Variants in JMJD1C observed in about 807,000 individuals in gnomAD.
The protein encoded by JMJD1C is jumonji domain containing 1C.
Under a neutral mutation model 245.3 loss-of-function variants are expected in JMJD1C, and 31 were observed. The ratio of observed to expected loss-of-function variants is 0.13; its 90% CI spans 0.09 to 0.17. JMJD1C has a LOEUF of 0.17. Ranked by LOEUF, JMJD1C falls within the 10% of genes least tolerant of loss-of-function variation. The probability of loss-of-function intolerance (pLI) is 1.00; values close to 1 mark genes in which losing one functional copy is unlikely to be tolerated. For synonymous variants in JMJD1C, 1,057 were observed against 1,017.4 expected (o/e 1.04, Z -0.74); for missense variants, 2,691 against 3,000.2 (o/e 0.90, Z 2.41).
intron 2 of JMJD1C, among the ~76,000 whole-genome samples, chr10:63,326,884 C>CA (rs1376123433): frequency 1.3e-5 from 2 of 151,864 alleles, no homozygotes; most frequent in Non-Finnish European, 2.9e-5. Flanking sequence ...TGTCTCAAAA[C>CA]AAAAAACAAA....
chr10:63,493,647 T>G (rs558773877), intron 1 of JMJD1C, among the ~76,000 whole-genome samples: 2 of 152,332 alleles, frequency 1.3e-5, no homozygotes, highest in South Asian at 4.1e-4. Flanking sequence ...CACACCCGGC[T>G]AATTCCTAAT....
At chr10:63,420,063 G>C (rs1439486292) in intron 1 of JMJD1C, among the ~76,000 whole-genome samples, 1 of 151,480 alleles carries the variant, frequency 6.6e-6, no homozygotes, top group East Asian at 1.9e-4. Context: ...TTGAACCCGG[G>C]AGGCAGAAGC....
intron 18 of JMJD1C, among the ~76,000 whole-genome samples, chr10:63,187,644 C>A (rs1844286317): frequency 6.6e-6 from 1 of 152,092 alleles, no homozygotes; most frequent in South Asian, 2.1e-4. Context: ...ACTATGTTGC[C>A]CAGGCTGGTC....
chr10:63,393,438 G>A (rs1024506789), intron 1 of JMJD1C, among the ~76,000 whole-genome samples: 3 of 152,088 alleles, frequency 2.0e-5, no homozygotes, highest in Non-Finnish European at 2.9e-5. Context: ...TACTGTTGAC[G>A]GGAATATAAA....
At chr10:63,297,786 G>A (rs1564750501) in intron 2 of JMJD1C, among the ~76,000 whole-genome samples, 1 of 152,288 alleles carries the variant, frequency 6.6e-6, no homozygotes, top group African/African-American at 2.4e-5. Context: ...TGAAAGAGCT[G>A]TAACACAAAT....
At chr10:63,280,386 A>G (rs1857252900) in intron 2 of JMJD1C, among the ~76,000 whole-genome samples, 1 of 151,956 alleles carries the variant, frequency 6.6e-6, no homozygotes, top group Non-Finnish European at 1.5e-5. Context: ...GGTCTCTACT[A>G]AAAATACAAA....
chr10:63,380,601 C>T, intron 1 of JMJD1C, 119 bp from the exon 2 acceptor site: 2 of 698,684 alleles, frequency 2.9e-6, no homozygotes, highest in Non-Finnish European at 2.4e-6. Context: ...GATACATGCA[C>T]ACAATGTGTA....
At chr10:63,406,971 C>A (rs1407111867) in intron 1 of JMJD1C, among the ~76,000 whole-genome samples, 1 of 151,856 alleles carries the variant, frequency 6.6e-6, no homozygotes, top group African/African-American at 2.4e-5. Flanking sequence ...TTTAAAATAA[C>A]AGCAAAACCA....
rs543360927 is a variant in JMJD1C at position 63,475,537 on chromosome 10, A to G, written n.113+46201T>C. Among the ~76,000 whole-genome samples, 3 of 152,356 alleles carry G rather than the reference A, an allele frequency of 2.0e-5. No individual in the cohort carries two copies. In the East Asian group the frequency reaches 5.8e-4, roughly 29 times the overall value. On this transcript the variant is annotated intron_variant and non_coding_transcript_variant, in intron 1 of 3. Coordinates refer to the JMJD1C transcript ENST00000633035. ...GATACTGTATGTACTTCTGAAGGAC[A>G]GACAAGAAAGTAACCTAAGACCAAA...
At chr10:63,518,213 C>A (rs540455652) in intron 1 of JMJD1C, among the ~76,000 whole-genome samples, 2 of 152,288 alleles carry the variant, frequency 1.3e-5, no homozygotes, top group East Asian at 3.9e-4. Context: ...AAAATCTGGG[C>A]ACTTTTCATG....
intron 2 of JMJD1C, among the ~76,000 whole-genome samples, chr10:63,277,727 A>ATTTTTTTTTTTTTTTTTTTTTTTT (rs1389505532): frequency 1.2e-5 from 1 of 83,164 alleles, no homozygotes; most frequent in African/African-American, 5.3e-5. Flanking sequence ...AGTAATTTGC[A>ATTTTTTTTTTTTTTTTTTTTTTTT]TTTCTTTTTT....
At chr10:63,267,742 G>A (rs2133808031) in intron 2 of JMJD1C, among the ~76,000 whole-genome samples, 1 of 152,228 alleles carries the variant, frequency 6.6e-6, no homozygotes, top group South Asian at 2.1e-4. Flanking sequence ...TTATTAGAGT[G>A]AGAGTTTTTT....
At chr10:63,427,515 T>A in intron 1 of JMJD1C, 1 of 1,339,262 alleles carries the variant, frequency 7.5e-7, no homozygotes, top group Non-Finnish European at 1.1e-6. Flanking sequence ...TTCCTGCCAA[T>A]GTTCTTCATT....
At chr10:63,394,526 T>A (rs980637870) in intron 1 of JMJD1C, among the ~76,000 whole-genome samples, 1 of 152,052 alleles carries the variant, frequency 6.6e-6, no homozygotes, top group African/African-American at 2.4e-5. Flanking sequence ...TTCTTAGAAA[T>A]GAGATCAAAA....
At chr10:63,475,975 G>C (rs1372368174) in intron 1 of JMJD1C, among the ~76,000 whole-genome samples, 1 of 152,086 alleles carries the variant, frequency 6.6e-6, no homozygotes, top group Non-Finnish European at 1.5e-5. Flanking sequence ...TTGGGAGGCT[G>C]AAGTGGGTGG....
At chr10:63,295,954 C>CGT (rs1859332604) in intron 2 of JMJD1C, among the ~76,000 whole-genome samples, 1 of 28,414 alleles carries the variant, frequency 3.5e-5, no homozygotes, top group South Asian at 1.1e-3. Context: ...TATATATACA[C>CGT]GTATATGTGT....
At chr10:63,345,976 A>C (rs932406535) in intron 2 of JMJD1C, among the ~76,000 whole-genome samples, 5 of 152,206 alleles carry the variant, frequency 3.3e-5, no homozygotes, top group African/African-American at 1.2e-4. Context: ...CTTTAAAAAA[A>C]ATTAAAGATG....
At chr10:63,310,322 C>G (rs1022467734) in intron 2 of JMJD1C, among the ~76,000 whole-genome samples, 1 of 152,124 alleles carries the variant, frequency 6.6e-6, no homozygotes. Context: ...CCAAGAATAG[C>G]TAAGATAGAA....
chr10:63,193,333 AT>A lies in JMJD1C; in HGVS notation c.5862+11del. The A allele has an allele frequency of 6.3e-7, 1 of 1,577,380 alleles. No homozygotes were observed. Among genetic ancestry groups the A allele is most frequent in the Non-Finnish European group, 8.6e-7 (1 of 1,166,028 alleles). ...ACAGATTTTATTTGAATAACCAGAG[AT>A]TTTTACTCACTTGAGATACACCATT... On this transcript the variant is annotated intron_variant, in intron 15 of 25. Coordinates refer to ENST00000399262, the MANE Select transcript of JMJD1C (RefSeq NM_032776.3).
Sources: allele counts gnomAD v4.1 joint callset (sites outside exome capture counted in the v4.1 genomes callset), GRCh38; gene constraint gnomAD v4.1.1; transcripts MANE v1.5; gene names NCBI Gene and HGNC (gene_info 2026-07-23, HGNC 2026-07-21).